THOC1: variants seen among roughly 807,000 people sequenced by gnomAD.
The protein encoded by THOC1 is THO complex 1.
In THOC1, 29 loss-of-function variants were observed where a neutral mutation model predicts 97.3. The ratio of observed to expected loss-of-function variants is 0.30; its 90% CI spans 0.22 to 0.41. THOC1 has a LOEUF of 0.41. Among genes scored for constraint, THOC1 ranks in the 10% least tolerant of loss-of-function variants. THOC1 has a pLI of 1.00. For missense variants in THOC1, 529 were observed against 761.9 expected (o/e 0.69, Z 3.60); for synonymous variants, 255 against 257.0 (o/e 0.99, Z 0.07).
intron 11 of THOC1, among the ~76,000 whole-genome samples, chr18:227,161 T>C (rs1447829823): frequency 6.6e-6 from 1 of 151,890 alleles, no homozygotes; most frequent in African/African-American, 2.4e-5. Context: ...GGTCCAGACA[T>C]GAGGATAAAA....
At chr18:224,655 T>C (rs1911214846) in intron 15 of THOC1, among the ~76,000 whole-genome samples, 1 of 152,032 alleles carries the variant, frequency 6.6e-6, no homozygotes, top group Non-Finnish European at 1.5e-5. Context: ...CCACATTATA[T>C]GGCAAATTAC....
chr18:238,111 C>G (rs1424817643), intron 11 of THOC1, among the ~76,000 whole-genome samples: 4 of 152,078 alleles, frequency 2.6e-5, no homozygotes, highest in Non-Finnish European at 4.4e-5. Flanking sequence ...AGTGATTTGC[C>G]CACCTTGGCC....
intron 7 of THOC1, among the ~76,000 whole-genome samples, chr18:257,850 A>G (rs150063801): frequency 2.2e-4 from 34 of 152,348 alleles, no homozygotes; most frequent in African/African-American, 7.9e-4. Flanking sequence ...ATGAAAAAAT[A>G]TATAAGGAGT....
chr18:220,629 T>C (rs1199919650), intron 17 of THOC1, among the ~76,000 whole-genome samples: 1 of 152,210 alleles, frequency 6.6e-6, no homozygotes, highest in South Asian at 2.1e-4. Flanking sequence ...AGTTTTTAAC[T>C]GTACTTCCAG....
intron 8 of THOC1, among the ~76,000 whole-genome samples, chr18:253,902 A>ATTT (rs35294329): frequency 5.2e-5 from 7 of 133,946 alleles, no homozygotes; most frequent in Admixed American, 7.6e-5. Context: ...TTTACATGAA[A>ATTT]TTTTTTTTTT....
At position 254,478 on chromosome 18, in the gene THOC1, T is replaced by C; in HGVS notation, c.521-123A>G. 1.6e-6 allele frequency: 1 copy of C among 643,432 alleles called. No individual in the cohort carries two copies. Among genetic ancestry groups the C allele is most frequent in the Non-Finnish European group, 2.7e-6 (1 of 367,306 alleles). The allele number at this position is 643,432 out of a possible 1,614,324, so 39.9% of individuals were successfully genotyped here. A position where few individuals can be genotyped will look rare whatever the true frequency, so the allele number is the denominator to read the frequency against. On this transcript the variant is annotated intron_variant, in intron 7 of 20. Transcript: ENST00000261600. The surrounding 1 kb of genome is among the most constrained non-coding windows in gnomAD (Gnocchi z 4.1). ...ATAAAGAGCAGTCAAAATTAACACA[T>C]TTGATTTTCAAATCCTTTCAAAAAT...
At position 226,829 on chromosome 18, in the gene THOC1, A is replaced by T; in HGVS notation, c.991T>A (p.Tyr331Asn). The T allele has an allele frequency of 1.2e-6, 2 of 1,611,904 alleles. No homozygotes were observed. The highest frequency in any genetic ancestry group is 8.5e-7 in the Non-Finnish European group (1 of 1,178,996). ...TTGAATTTGACCTGCCCCTTGAGAT[A>T]TTGGAATAAAATGAGATACTGCAAC... ...ILLQYLILFQYLKGQVKFKSS... is the reference protein window; with the variant it reads ...ILLQYLILFQNLKGQVKFKSS... The change falls in exon 12 of 21, where the codon TAT becomes AAT. Residue 331 changes from tyrosine to asparagine, a missense_variant. Tyr to Asn is a moderately radical substitution (Grantham distance 143). Around this residue, in one of 8 missense-constraint regions of THOC1, gnomAD observed 25 missense variants for 69.5 expected, o/e 0.36. Coordinates refer to ENST00000261600, the MANE Select transcript of THOC1 (RefSeq NM_005131.3).
chr18:221,497 T>G (rs1178117123), intron 17 of THOC1, among the ~76,000 whole-genome samples: 1 of 152,230 alleles, frequency 6.6e-6, no homozygotes, highest in East Asian at 1.9e-4. Context: ...CTGCCTGATA[T>G]CAATATAACT....
chr18:256,544 G>A (rs1337644506), intron 7 of THOC1, among the ~76,000 whole-genome samples: 2 of 152,236 alleles, frequency 1.3e-5, no homozygotes, highest in African/African-American at 2.4e-5. Flanking sequence ...GTGGTTTCTC[G>A]AGATGAATTC....
chr18:260,096 T>C (rs1912556746), intron 5 of THOC1, 90 bp downstream of exon 5: 1 of 826,874 alleles, frequency 1.2e-6, no homozygotes, highest in Admixed American at 5.0e-5. Context: ...TCAGCAATAC[T>C]ACAAATAAAT....
At chr18:243,992 T>A (rs1912000728) in intron 11 of THOC1, among the ~76,000 whole-genome samples, 1 of 152,176 alleles carries the variant, frequency 6.6e-6, no homozygotes, top group Non-Finnish European at 1.5e-5. Context: ...TCTAGATTCC[T>A]CCCTGCCTCC....
intron 11 of THOC1, among the ~76,000 whole-genome samples, chr18:232,658 G>A (rs1401725455): frequency 6.6e-6 from 1 of 151,868 alleles, no homozygotes; most frequent in African/African-American, 2.4e-5. Flanking sequence ...AACTTCACTA[G>A]TTTTTACAAA....
At chr18:224,261 T>A (rs541746017) in intron 15 of THOC1, 82 bp from the exon 16 acceptor site, 1 of 1,095,446 alleles carries the variant, frequency 9.1e-7, no homozygotes, top group Non-Finnish European at 1.3e-6. Context: ...AAAAGAAAAT[T>A]TAGTTATTGT....
intron 11 of THOC1, among the ~76,000 whole-genome samples, chr18:227,780 T>C (rs1476375434): frequency 6.6e-6 from 1 of 152,156 alleles, no homozygotes; most frequent in African/African-American, 2.4e-5. Flanking sequence ...TTCTTCTAAA[T>C]GAATCGCCAG....
rs369918372 is a variant in THOC1 at position 265,347 on chromosome 18, A to T, written c.145T>A (p.Cys49Ser). The change falls in exon 3 of 21, where the codon TGT becomes AGT. Residue 49 changes from cysteine (C) to serine (S), a missense_variant. Coordinates refer to ENST00000261600, the MANE Select transcript of THOC1 (RefSeq NM_005131.3). ...QVPGSENEKK[C>S]TLDQAFRGIL... Reference sequence around the variant, plus strand: ...CCTCTGAAAGCTTGGTCAAGGGTACATTTTTTTTCATTTTCACTATTAAAA... The same window carrying T: ...CCTCTGAAAGCTTGGTCAAGGGTACTTTTTTTTTCATTTTCACTATTAAAA... 3 of 1,604,742 alleles carry T rather than the reference A, an allele frequency of 1.9e-6. No homozygotes were observed. The highest frequency in any genetic ancestry group is 1.7e-6 in the Non-Finnish European group (2 of 1,176,574).
intron 4 of THOC1, among the ~76,000 whole-genome samples, chr18:262,958 A>T (rs1003929620): frequency 1.3e-5 from 2 of 152,230 alleles, no homozygotes; most frequent in Admixed American, 6.5e-5. Context: ...ATTTTGTGTT[A>T]GGCTCTGTGT....
intron 11 of THOC1, among the ~76,000 whole-genome samples, chr18:234,358 T>C (rs1328758346): frequency 2.6e-5 from 4 of 152,206 alleles, no homozygotes; most frequent in Non-Finnish European, 4.4e-5. Flanking sequence ...TGTCTTCTTT[T>C]TGGATTTAAT....
rs187091692 is a variant in THOC1 at position 232,127 on chromosome 18, A to T, written c.919-5226T>A. On this transcript the variant is annotated intron_variant, in intron 11 of 20. Transcript: ENST00000261600. The stretch of plus-strand genomic sequence containing the variant: ...TTATTGTTTTCTGAGATAGGATCTG[A>T]CTCTGTCAGCCAGGCTGGAATGCAG... 6.6e-5 allele frequency among the ~76,000 whole-genome samples: 10 copies of T among 152,198 alleles called. No homozygotes were observed. The East Asian group carries it at 1.9e-3, about 29-fold the overall frequency.
intron 1 of THOC1, among the ~76,000 whole-genome samples, chr18:266,974 C>CTG (rs201804985): frequency 2.2e-4 from 33 of 149,520 alleles, no homozygotes; most frequent in Non-Finnish European, 3.0e-4. Flanking sequence ...AAACCTCACA[C>CTG]TGTGTGTGTG....
Sources: gnomAD v4.1 joint callset for allele counts (sites outside exome capture counted in the v4.1 genomes callset) on GRCh38, gnomAD v4.1.1 for gene constraint, gnomAD v4.1.1 regional missense constraint, Gnocchi (gnomAD v3.1) non-coding constraint, MANE v1.5 for transcripts, NCBI Gene and HGNC (gene_info 2026-07-23, HGNC 2026-07-21) for gene names.